Variants in NAV2 observed in about 807,000 individuals in gnomAD.
NAV2 encodes neuron navigator 2, also known as helicase, APC down-regulated 1.
Under a neutral mutation model 223.2 loss-of-function variants are expected in NAV2, and 54 were observed. The ratio of observed to expected loss-of-function variants is 0.24; its 90% CI spans 0.19 to 0.30. The LOEUF (loss-of-function observed/expected upper bound fraction) is 0.30. Ranked by LOEUF, NAV2 falls within the 10% of genes least tolerant of loss-of-function variation. NAV2 has a pLI of 1.00. For missense variants in NAV2, 2,806 were observed against 3,147.5 expected (o/e 0.89, Z 2.60); for synonymous variants, 1,279 against 1,239.3 (o/e 1.03, Z -0.67).
intron 1 of NAV2, among the ~76,000 whole-genome samples, chr11:19,558,435 C>A (rs1457469071): frequency 6.6e-6 from 1 of 152,230 alleles, no homozygotes; most frequent in East Asian, 1.9e-4. Flanking sequence ...TTGTGCCAAA[C>A]CCCTACTCAC....
intron 6 of NAV2, among the ~76,000 whole-genome samples, chr11:19,922,905 G>A (rs1487439666): frequency 2.0e-5 from 3 of 152,244 alleles, no homozygotes; most frequent in South Asian, 2.1e-4. Context: ...TGGCAGCCAC[G>A]TCTCTGTAGT....
intron 1 of NAV2, among the ~76,000 whole-genome samples, chr11:19,783,758 A>C (rs941829947): frequency 4.6e-5 from 7 of 152,160 alleles, no homozygotes; most frequent in Admixed American, 2.0e-4. Context: ...AATCATTCCA[A>C]ATTCAAGGTT....
intron 4 of NAV2, among the ~76,000 whole-genome samples, chr11:19,877,472 T>TTTTTTTTTTTTTCTTTTTTCTTTCC (rs1313196964): frequency 8.5e-6 from 1 of 117,838 alleles, no homozygotes; most frequent in Non-Finnish European, 1.7e-5. Flanking sequence ...TCTTCATTCT[T>TTTTTTTTTTTTTCTTTTTTCTTTCC]TTTTTTTTTT....
chr11:19,538,715 T>C (rs1381081808), intron 1 of NAV2, among the ~76,000 whole-genome samples: 2 of 152,142 alleles, frequency 1.3e-5, no homozygotes, highest in East Asian at 3.9e-4. Flanking sequence ...TATGTGTTTG[T>C]GTTTTATTTA....
At chr11:19,814,073 G>A (rs2058969688) in intron 1 of NAV2, among the ~76,000 whole-genome samples, 1 of 152,168 alleles carries the variant, frequency 6.6e-6, no homozygotes, top group Non-Finnish European at 1.5e-5. Context: ...GGTGAGGGCT[G>A]GGTGGTGTAT....
chr11:20,090,953 C>G lies in NAV2; in HGVS notation c.5587C>G (p.Arg1863Gly). 2 of 1,613,914 alleles carry G rather than the reference C, an allele frequency of 1.2e-6. No individual in the cohort carries two copies. The highest frequency in any genetic ancestry group is 1.7e-6 in the Non-Finnish European group (2 of 1,179,890). The change falls in exon 27 of 38, where the codon CGC (arginine) becomes GGC (glycine). Residue 1863 changes from arginine (R) to glycine (G), a missense_variant. Physicochemically the swap from Arg to Gly is moderately radical, Grantham distance 125. This residue lies in a region of NAV2 where 824 missense variants were observed against 1,069.4 expected (regional missense o/e 0.77). Coordinates refer to ENST00000349880, the MANE Select transcript of NAV2 (RefSeq NM_145117.5). ...RDKEMKLTDIRLEALSSAHQL... is the reference protein window; with the variant it reads ...RDKEMKLTDIGLEALSSAHQL... ...CAAGGAGATGAAGCTGACGGATATC[C>G]GCTTAGAAGCTCTCAGTTCTGCCCA...
At chr11:19,635,689 C>T (rs1339139511) in intron 1 of NAV2, among the ~76,000 whole-genome samples, 2 of 152,206 alleles carry the variant, frequency 1.3e-5, no homozygotes, top group African/African-American at 4.8e-5. Context: ...TGGTAACTAA[C>T]CCAGTCCCAT....
intron 1 of NAV2, among the ~76,000 whole-genome samples, chr11:19,444,555 C>A (rs892804682): frequency 4.6e-5 from 7 of 152,044 alleles, no homozygotes; most frequent in Admixed American, 2.0e-4. Flanking sequence ...GTAGAACCGG[C>A]CCCCCACTGC....
At chr11:19,469,531 C>T (rs1029977847) in intron 1 of NAV2, among the ~76,000 whole-genome samples, 2 of 152,178 alleles carry the variant, frequency 1.3e-5, no homozygotes, top group African/African-American at 4.8e-5. Flanking sequence ...TGGTTAGTGG[C>T]ATTGGTTTCA....
intron 1 of NAV2, among the ~76,000 whole-genome samples, chr11:19,436,429 G>A (rs1422189949): frequency 6.6e-6 from 1 of 152,082 alleles, no homozygotes; most frequent in African/African-American, 2.4e-5. Flanking sequence ...TATTCCATTG[G>A]TCTATGTGTG....
chr11:20,042,609 G>A (rs1357745142), intron 12 of NAV2, among the ~76,000 whole-genome samples: 4 of 152,196 alleles, frequency 2.6e-5, no homozygotes, highest in African/African-American at 9.7e-5. Context: ...AACTTGGGCT[G>A]CCTATCTGTT....
At chr11:19,368,948 C>G (rs1306692024) in intron 1 of NAV2, among the ~76,000 whole-genome samples, 2 of 152,218 alleles carry the variant, frequency 1.3e-5, no homozygotes, top group African/African-American at 4.8e-5. Flanking sequence ...ACAAAGTATA[C>G]AGACACACAC....
intron 5 of NAV2, among the ~76,000 whole-genome samples, chr11:19,882,087 T>G (rs543415779): frequency 2.0e-5 from 3 of 152,098 alleles, no homozygotes; most frequent in African/African-American, 7.2e-5. Flanking sequence ...CAGGAAGCCA[T>G]GGGAAAGTCT....
At chr11:20,082,566 A>G in intron 25 of NAV2, 1 of 1,613,586 alleles carries the variant, frequency 6.2e-7, no homozygotes, top group Non-Finnish European at 8.5e-7. Context: ...CCCCTTCCCC[A>G]TTTTTGCTTG....
At chr11:19,512,447 T>C (rs2134241521) in intron 1 of NAV2, among the ~76,000 whole-genome samples, 1 of 152,252 alleles carries the variant, frequency 6.6e-6, no homozygotes, top group Non-Finnish European at 1.5e-5. Flanking sequence ...GGCCCATGTG[T>C]CTGGGGAGAA....
At chr11:20,052,809 C>T (rs770151713) in intron 17 of NAV2, among the ~76,000 whole-genome samples, 3 of 152,182 alleles carry the variant, frequency 2.0e-5, no homozygotes, top group African/African-American at 4.8e-5. Flanking sequence ...ACATCCAGTA[C>T]GAACACACTG....
At chr11:19,889,790 C>T (rs980181009) in intron 5 of NAV2, among the ~76,000 whole-genome samples, 6 of 152,172 alleles carry the variant, frequency 3.9e-5, no homozygotes, top group Non-Finnish European at 7.3e-5. Flanking sequence ...AGTATAAGAT[C>T]TCAGTCAGCC....
intron 1 of NAV2, among the ~76,000 whole-genome samples, chr11:19,685,321 G>A (rs2048992939): frequency 6.6e-6 from 1 of 152,182 alleles, no homozygotes; most frequent in South Asian, 2.1e-4. Context: ...GTGGGGAGCA[G>A]TTGAAGAAGA....
chr11:19,375,016 C>A (rs1848595411), intron 1 of NAV2, among the ~76,000 whole-genome samples: 1 of 152,224 alleles, frequency 6.6e-6, no homozygotes, highest in Non-Finnish European at 1.5e-5. Flanking sequence ...GCTCACCCAG[C>A]TTCCCAGTCA....
Sources: gnomAD v4.1 joint callset for allele counts (sites outside exome capture counted in the v4.1 genomes callset) on GRCh38, gnomAD v4.1.1 for gene constraint, gnomAD v4.1.1 regional missense constraint, MANE v1.5 for transcripts, NCBI Gene and HGNC (gene_info 2026-07-23, HGNC 2026-07-21) for gene names.